NKAIN2: variants seen among roughly 807,000 people sequenced by gnomAD.
NKAIN2 encodes sodium/potassium transporting ATPase interacting 2.
NKAIN2 carries 14 observed loss-of-function variants against 32.6 expected under a neutral mutation model. That is an observed-to-expected ratio of 0.43 (90% CI 0.28 to 0.67). The LOEUF is 0.67. Among genes scored for constraint, NKAIN2 ranks in the 30% least tolerant of loss-of-function variants. The pLI, the probability that NKAIN2 is intolerant of heterozygous loss-of-function variation, is 0.17. For missense variants in NKAIN2, 198 were observed against 258.3 expected (o/e 0.77, Z 1.60); for synonymous variants, 80 against 87.2 (o/e 0.92, Z 0.46).
At chr6:124,382,275 AAAAGGAG>A (rs61211885) in intron 3 of NKAIN2, among the ~76,000 whole-genome samples, 18,181 of 151,954 alleles carry the variant, frequency 0.12, 1,563 homozygotes, top group African/African-American at 0.24. Flanking sequence ...GAGAGGAGAA[AAAAGGAG>A]AAAGGAGAAA....
intron 4 of NKAIN2, among the ~76,000 whole-genome samples, chr6:124,669,811 A>G (rs1022676084): frequency 6.6e-6 from 1 of 151,860 alleles, no homozygotes; most frequent in African/African-American, 2.4e-5. Context: ...TTGGCATTAC[A>G]TTTATTTTTC....
At chr6:124,488,354 A>G (rs150155712) in intron 3 of NKAIN2, among the ~76,000 whole-genome samples, 1 of 152,152 alleles carries the variant, frequency 6.6e-6, no homozygotes, top group East Asian at 1.9e-4. Context: ...GTATCCAGGC[A>G]ATATGAGGTA....
intron 3 of NKAIN2, among the ~76,000 whole-genome samples, chr6:124,468,663 T>A (rs558839366): frequency 6.6e-6 from 1 of 152,290 alleles, no homozygotes; most frequent in East Asian, 1.9e-4. Context: ...ATATAATGGC[T>A]CTATTAATTA....
chr6:123,826,880 A>G (rs1025666563), intron 1 of NKAIN2, among the ~76,000 whole-genome samples: 2 of 152,134 alleles, frequency 1.3e-5, no homozygotes, highest in African/African-American at 4.8e-5. Flanking sequence ...TTGCTAGATC[A>G]TATGGCATTT....
At chr6:124,393,075 T>C (rs1264143608) in intron 3 of NKAIN2, among the ~76,000 whole-genome samples, 2 of 152,106 alleles carry the variant, frequency 1.3e-5, no homozygotes, top group Admixed American at 1.3e-4. Context: ...TCTTGTCAGA[T>C]TGTTGTTATA....
chr6:124,380,893 T>C (rs1772605525), intron 3 of NKAIN2, among the ~76,000 whole-genome samples: 1 of 152,178 alleles, frequency 6.6e-6, no homozygotes, highest in Admixed American at 6.5e-5. Context: ...GAAAAGCTCA[T>C]TGATATGGCC....
intron 3 of NKAIN2, among the ~76,000 whole-genome samples, chr6:124,470,979 GAC>G (rs1232525972): frequency 6.6e-6 from 1 of 152,106 alleles, no homozygotes; most frequent in Non-Finnish European, 1.5e-5. Context: ...GTTTTATTGA[GAC>G]ACAGCCACAA....
chr6:124,707,245 G>T (rs1163243231), intron 4 of NKAIN2, among the ~76,000 whole-genome samples: 1 of 152,028 alleles, frequency 6.6e-6, no homozygotes, highest in African/African-American at 2.4e-5. Flanking sequence ...TATCATTGTT[G>T]GACATTTGGG....
chr6:124,728,811 C>A (rs1776476495), intron 4 of NKAIN2, among the ~76,000 whole-genome samples: 2 of 151,708 alleles, frequency 1.3e-5, no homozygotes, highest in East Asian at 1.9e-4. Context: ...AGACCGCTAG[C>A]AAGACTAATA....
intron 4 of NKAIN2, among the ~76,000 whole-genome samples, chr6:124,752,699 C>G (rs530390267): frequency 1.3e-5 from 2 of 152,102 alleles, no homozygotes; most frequent in East Asian, 3.9e-4. Context: ...CAGCAGAGCT[C>G]ATAGGCACAC....
At chr6:124,297,215 C>A (rs954626732) in intron 2 of NKAIN2, among the ~76,000 whole-genome samples, 1 of 152,072 alleles carries the variant, frequency 6.6e-6, no homozygotes, top group Non-Finnish European at 1.5e-5. Context: ...TTGACTCCCC[C>A]AAATCTTAAC....
At chr6:124,816,994 C>T (rs188251637) in intron 5 of NKAIN2, among the ~76,000 whole-genome samples, 41 of 152,282 alleles carry the variant, frequency 2.7e-4, no homozygotes, top group South Asian at 8.3e-4. Flanking sequence ...CCATTTATTA[C>T]GCTCATAGGC....
intron 2 of NKAIN2, among the ~76,000 whole-genome samples, chr6:124,288,298 T>G (rs1582994995): frequency 6.6e-6 from 1 of 152,310 alleles, no homozygotes; most frequent in South Asian, 2.1e-4. Flanking sequence ...GTGAACTGCC[T>G]CTTAGAGGCA....
intron 3 of NKAIN2, among the ~76,000 whole-genome samples, chr6:124,414,644 TG>T (rs989992787): frequency 1.8e-4 from 27 of 152,198 alleles, no homozygotes; most frequent in Non-Finnish European, 3.5e-4. Context: ...AGTTTATTTT[TG>T]GGAAAATTTT....
chr6:124,164,081 T>C (rs1232684189), intron 1 of NKAIN2, among the ~76,000 whole-genome samples: 1 of 152,098 alleles, frequency 6.6e-6, no homozygotes, highest in African/African-American at 2.4e-5. Flanking sequence ...GTAAGGTATA[T>C]GAAGAAGTCT....
chr6:124,189,694 A>G (rs1025439734), intron 1 of NKAIN2, among the ~76,000 whole-genome samples: 26 of 152,178 alleles, frequency 1.7e-4, no homozygotes, highest in Non-Finnish European at 5.9e-5. Flanking sequence ...AAATAAAAAT[A>G]AAAAATAAAA....
intron 1 of NKAIN2, among the ~76,000 whole-genome samples, chr6:124,263,323 A>G (rs1794336114): frequency 6.6e-6 from 1 of 152,176 alleles, no homozygotes; most frequent in African/African-American, 2.4e-5. Flanking sequence ...CATTCCCTTT[A>G]GATTTTTGCT....
chr6:124,232,042 A>G (rs906284244), intron 1 of NKAIN2, among the ~76,000 whole-genome samples: 1 of 152,166 alleles, frequency 6.6e-6, no homozygotes, highest in Non-Finnish European at 1.5e-5. Context: ...TCTTGTAGGC[A>G]CATCTGACTT....
intron 4 of NKAIN2, among the ~76,000 whole-genome samples, chr6:124,713,326 G>T (rs937475301): frequency 2.0e-5 from 3 of 152,114 alleles, no homozygotes; most frequent in African/African-American, 7.2e-5. Flanking sequence ...AATAAGCATG[G>T]TTCCTTCCTA....
Sources: allele counts gnomAD v4.1 joint callset (sites outside exome capture counted in the v4.1 genomes callset), GRCh38; gene constraint gnomAD v4.1.1; transcripts MANE v1.5; gene names NCBI Gene and HGNC (gene_info 2026-07-23, HGNC 2026-07-21).